Variants in TENM1 observed in about 807,000 individuals in gnomAD.
The protein encoded by TENM1 is teneurin-1.
Under a neutral mutation model 174.8 loss-of-function variants are expected in TENM1, and 35 were observed. That is an observed-to-expected ratio of 0.20 (90% CI 0.15 to 0.27). TENM1 has a LOEUF of 0.27. TENM1 is among the 10% of genes least tolerant of loss of function. The pLI is 1.00. For missense variants in TENM1, 1,633 were observed against 2,130.1 expected (o/e 0.77, Z 4.59); for synonymous variants, 781 against 798.7 (o/e 0.98, Z 0.37).
chrX:124,539,649 GC>G (rs1329685799), intron 15 of TENM1, among the ~76,000 whole-genome samples: 1 of 111,046 alleles, frequency 9.0e-6, no homozygotes, highest in Non-Finnish European at 1.9e-5. Context: ...TTTTCATTGT[GC>G]TAAATGGGAT....
chrX:124,839,027 T>TA (rs997091109), intron 3 of TENM1, among the ~76,000 whole-genome samples: 152 of 110,653 alleles, frequency 1.4e-3, no homozygotes, highest in Admixed American at 2.8e-3. Context: ...TTTGTGTGGT[T>TA]AAAAAAAAGA....
At chrX:125,060,023 T>C in the TENM1 span, among the ~76,000 whole-genome samples, 4,253 of 109,896 alleles carry the variant, frequency 0.039, 233 homozygotes, top group African/African-American at 0.13. Context: ...TACCTTCAGA[T>C]TGCCTTTCAG....
intron 3 of TENM1, among the ~76,000 whole-genome samples, chrX:124,795,925 T>C (rs2055295284): frequency 9.0e-6 from 1 of 111,100 alleles, no homozygotes; most frequent in South Asian, 3.8e-4. Flanking sequence ...TATAGGCACT[T>C]TCCTTTTAAA....
the TENM1 span, among the ~76,000 whole-genome samples, chrX:125,085,529 C>G: frequency 9.0e-6 from 1 of 111,283 alleles, no homozygotes; most frequent in African/African-American, 3.2e-5. Context: ...AGAAGTCTAA[C>G]TGTGAGAGTG....
the TENM1 span, among the ~76,000 whole-genome samples, chrX:125,087,277 A>C: frequency 9.0e-6 from 1 of 111,047 alleles, no homozygotes; most frequent in Non-Finnish European, 1.9e-5. Context: ...TAAAAAGTGA[A>C]TATTATCAAT....
intron 18 of TENM1, among the ~76,000 whole-genome samples, chrX:124,513,507 G>A (rs1371025421): frequency 1.8e-5 from 2 of 111,818 alleles, no homozygotes; most frequent in Non-Finnish European, 3.8e-5. Flanking sequence ...TGGTTTCCAA[G>A]GATGGACATC....
intron 3 of TENM1, among the ~76,000 whole-genome samples, chrX:124,799,457 T>C (rs1603211053): frequency 9.0e-6 from 1 of 111,431 alleles, no homozygotes; most frequent in Non-Finnish European, 1.9e-5. Flanking sequence ...TTGTAGCAAT[T>C]GTGAATGGGA....
At chrX:125,170,255 A>G in the TENM1 span, among the ~76,000 whole-genome samples, 2 of 111,407 alleles carry the variant, frequency 1.8e-5, no homozygotes, top group African/African-American at 6.5e-5. Context: ...GAGTAGACAC[A>G]AAGAAAGAGG....
chrX:124,794,082 G>C (rs1043498753), intron 3 of TENM1, among the ~76,000 whole-genome samples: 4 of 110,782 alleles, frequency 3.6e-5, no homozygotes, highest in Admixed American at 9.7e-5. Flanking sequence ...TCTCGGGTCA[G>C]TCTCAGGAAA....
intron 3 of TENM1, among the ~76,000 whole-genome samples, chrX:124,879,519 C>A (rs1010075381): frequency 8.9e-6 from 1 of 112,213 alleles, no homozygotes; most frequent in African/African-American, 3.2e-5. Flanking sequence ...CACTCATCCA[C>A]TGATGGACAC....
At chrX:124,996,407 T>C in the TENM1 span, among the ~76,000 whole-genome samples, 2 of 110,326 alleles carry the variant, frequency 1.8e-5, no homozygotes, top group Non-Finnish European at 3.8e-5. Context: ...AAAATAGATA[T>C]TCCAGTTGAA....
At chrX:124,756,805 G>A (rs1364978284) in intron 3 of TENM1, among the ~76,000 whole-genome samples, 1 of 112,096 alleles carries the variant, frequency 8.9e-6, no homozygotes, top group African/African-American at 3.2e-5. Context: ...CAGAACAGTG[G>A]ATTTACGTGA....
intron 18 of TENM1, among the ~76,000 whole-genome samples, chrX:124,504,015 A>C (rs753013918): frequency 1.8e-5 from 2 of 111,544 alleles, no homozygotes; most frequent in Non-Finnish European, 3.8e-5. Flanking sequence ...CTGTGCTGTA[A>C]AACTGAAGAG....
intron 23 of TENM1, among the ~76,000 whole-genome samples, chrX:124,430,961 T>C (rs111739359): frequency 0.023 from 2,589 of 111,707 alleles, 64 homozygotes; most frequent in African/African-American, 0.079. Context: ...TCTATTTATC[T>C]CATGTTAGGT....
intron 3 of TENM1, among the ~76,000 whole-genome samples, chrX:124,785,982 A>G (rs754651784): frequency 1.8e-5 from 2 of 111,869 alleles, no homozygotes; most frequent in Admixed American, 1.9e-4. Context: ...TATAGGGCCC[A>G]TGTATTTACT....
At chrX:125,182,646 C>T in the TENM1 span, among the ~76,000 whole-genome samples, 2 of 111,542 alleles carry the variant, frequency 1.8e-5, no homozygotes, top group South Asian at 7.5e-4. Flanking sequence ...TATTTTATTT[C>T]TCTGTGTATA....
At chrX:124,958,189 G>C (rs2058605771) in intron 1 of TENM1, among the ~76,000 whole-genome samples, 1 of 111,588 alleles carries the variant, frequency 9.0e-6, no homozygotes, top group Admixed American at 9.6e-5. Flanking sequence ...TAATTCAAAA[G>C]CTTTTGGAAA....
At chrX:124,686,222 A>T (rs2148462336) in intron 5 of TENM1, among the ~76,000 whole-genome samples, 1 of 111,202 alleles carries the variant, frequency 9.0e-6, no homozygotes, top group African/African-American at 3.3e-5. Flanking sequence ...AAAAAAGAAA[A>T]CCCTACCAAC....
At chrX:124,377,338 ATCT>A (rs1249859270) in exon 32 of TENM1, 1 of 110,888 alleles carries the variant, frequency 9.0e-6, no homozygotes, top group Admixed American at 9.7e-5. Context: ...TATATTATAG[ATCT>A]TCTAGATAAA....
Sources: gnomAD v4.1 joint callset for allele counts (sites outside exome capture counted in the v4.1 genomes callset) on GRCh38, gnomAD v4.1.1 for gene constraint, MANE v1.5 for transcripts, NCBI Gene and HGNC (gene_info 2026-07-23, HGNC 2026-07-21) for gene names.